Variants in ESR1 observed in about 807,000 individuals in gnomAD.
ESR1 encodes the protein estrogen receptor 1.
Under a neutral mutation model 52.7 loss-of-function variants are expected in ESR1, and 12 were observed. The ratio of observed to expected loss-of-function variants is 0.23; its 90% CI spans 0.15 to 0.37. The LOEUF (loss-of-function observed/expected upper bound fraction) is 0.37. Ranked by LOEUF, ESR1 falls within the 10% of genes least tolerant of loss-of-function variation. The pLI, the probability that ESR1 is intolerant of heterozygous loss-of-function variation, is 1.00. For missense variants in ESR1, 584 were observed against 779.7 expected (o/e 0.75, Z 2.99); for synonymous variants, 305 against 316.8 (o/e 0.96, Z 0.39).
intron 3 of ESR1, among the ~76,000 whole-genome samples, chr6:151,913,484 G>T (rs1798594371): frequency 6.6e-6 from 1 of 152,140 alleles, no homozygotes; most frequent in Admixed American, 6.6e-5. Context: ...ACCCCATTTT[G>T]AATAGTAACA....
chr6:151,800,150 ATT>A (rs1404412723), upstream of ESR1, among the ~76,000 whole-genome samples: 1 of 152,158 alleles, frequency 6.6e-6, no homozygotes, highest in Non-Finnish European at 1.5e-5. Flanking sequence ...GGAGATTTCT[ATT>A]TTGAAATTTT....
chr6:151,937,692 T>G (rs1156775343), intron 3 of ESR1, among the ~76,000 whole-genome samples: 1 of 152,180 alleles, frequency 6.6e-6, no homozygotes, highest in Non-Finnish European at 1.5e-5. Context: ...GAGGCTGTGA[T>G]AACACTAATA....
At position 151,797,391 on chromosome 6, in the gene ESR1, AAGCCAAT is replaced by A. The variant is rs1234758681; in HGVS notation, c.-70-10451_-70-10445del. On this transcript the variant is annotated intron_variant, in intron 2 of 2. Coordinates refer to the ESR1 transcript ENST00000404742. The stretch of plus-strand genomic sequence containing the variant: ...AAAGATCACATTTTGCATGAAAGAA[AAGCCAAT>A]GGAAATGGGACTGTTAGACTTAAAC... Among the ~76,000 whole-genome samples the A allele has an allele frequency of 5.3e-5, 8 of 152,376 alleles. 1 individual carries two copies. The East Asian group carries it at 1.5e-3, about 29-fold the overall frequency.
intron 2 of ESR1, among the ~76,000 whole-genome samples, chr6:151,755,953 C>T (rs1379751852): frequency 6.6e-6 from 1 of 151,978 alleles, no homozygotes; most frequent in Non-Finnish European, 1.5e-5. Context: ...AAAAACTCCC[C>T]ATCTTCTCCA....
intron 2 of ESR1, among the ~76,000 whole-genome samples, chr6:151,862,707 G>A (rs1789106895): frequency 6.6e-6 from 1 of 152,110 alleles, no homozygotes; most frequent in African/African-American, 2.4e-5. Flanking sequence ...CTTTGCTGGG[G>A]TATCTGAAGA....
chr6:151,841,690 T>G (rs1006646280), intron 1 of ESR1, among the ~76,000 whole-genome samples: 12 of 152,146 alleles, frequency 7.9e-5, no homozygotes, highest in African/African-American at 2.2e-4. Flanking sequence ...TCAGTTTCCT[T>G]TCTGTGTTCC....
At chr6:151,718,780 A>G (rs1207101621) in intron 2 of ESR1, among the ~76,000 whole-genome samples, 1 of 152,242 alleles carries the variant, frequency 6.6e-6, no homozygotes, top group African/African-American at 2.4e-5. Context: ...CTCTGCTCAG[A>G]GTCCGGTTGG....
At chr6:152,066,092 G>A (rs2047942422) in intron 6 of ESR1, among the ~76,000 whole-genome samples, 1 of 152,206 alleles carries the variant, frequency 6.6e-6, no homozygotes, top group South Asian at 2.1e-4. Flanking sequence ...CTGCCATATA[G>A]TCATGCTTTG....
chr6:151,740,875 C>T (rs1783047632), intron 2 of ESR1, among the ~76,000 whole-genome samples: 1 of 152,158 alleles, frequency 6.6e-6, no homozygotes, highest in South Asian at 2.1e-4. Context: ...ATGTTCTGTT[C>T]TTCAGATTGG....
At chr6:151,941,867 T>G (rs1387072312) in intron 3 of ESR1, among the ~76,000 whole-genome samples, 1 of 152,222 alleles carries the variant, frequency 6.6e-6, no homozygotes, top group African/African-American at 2.4e-5. Flanking sequence ...AAAGAACAAG[T>G]TGAACCCGTC....
At position 151,696,674 on chromosome 6, in the gene ESR1, C is replaced by T. The variant is rs188664112; in HGVS notation, c.-201-5201C>T. Among the ~76,000 whole-genome samples, 6 of 152,102 alleles carry T rather than the reference C, an allele frequency of 3.9e-5. No individual in the cohort carries two copies. The East Asian group carries it at 1.2e-3, about 29-fold the overall frequency. Reference sequence around the variant, plus strand: ...CTAGACAATCTCTATCAGGTGTGATCAGTAAGGCACATAATATGATATGTG... The same window carrying T: ...CTAGACAATCTCTATCAGGTGTGATTAGTAAGGCACATAATATGATATGTG... On this transcript the variant is annotated intron_variant, in intron 1 of 2. Coordinates refer to the ESR1 transcript ENST00000404742.
chr6:152,102,617 T>A lies in ESR1; in HGVS notation c.*3651T>A, dbSNP rs2050994839. 1 of 220,612 alleles carries A rather than the reference T, an allele frequency of 4.5e-6. No homozygotes were observed. Among genetic ancestry groups the A allele is most frequent in the Non-Finnish European group, 9.1e-6 (1 of 109,978 alleles). 13.7% of individuals were successfully genotyped at this position (220,612 alleles called of 1,614,324 possible). On this transcript the variant is annotated 3_prime_UTR_variant, in exon 8 of 8. Coordinates refer to ENST00000206249, the MANE Select transcript of ESR1 (RefSeq NM_000125.4). ...ATATCCATCTTTTCAGTAGCGTTAA[T>A]TATGCTCTGTTTCCAACTGCATTTC... is the stretch of plus-strand genomic sequence containing the variant.
At position 151,813,103 on chromosome 6, in the gene ESR1, G is replaced by T. The variant is rs548508356; in HGVS notation, c.452+4739G>T. On this transcript the variant is annotated intron_variant, in intron 1 of 7. Coordinates refer to ENST00000206249, the MANE Select transcript of ESR1 (RefSeq NM_000125.4). ...CTTTATAATATCCTTAATCTCATGAGGGAAGAAACCATAATTGCTGAATTC... is the reference window on the plus strand; with the variant it reads ...CTTTATAATATCCTTAATCTCATGATGGAAGAAACCATAATTGCTGAATTC... Among the ~76,000 whole-genome samples, 11 of 152,194 alleles carry T rather than the reference G, an allele frequency of 7.2e-5. No individual in the cohort carries two copies. The East Asian group carries it at 2.1e-3, about 29-fold the overall frequency.
chr6:151,920,365 A>G (rs1416637209), intron 3 of ESR1, among the ~76,000 whole-genome samples: 1 of 152,084 alleles, frequency 6.6e-6, no homozygotes, highest in Non-Finnish European at 1.5e-5. Flanking sequence ...AATTATTGCA[A>G]GGATAGTAAG....
At chr6:151,724,046 G>C (rs1310961987) in intron 2 of ESR1, among the ~76,000 whole-genome samples, 1 of 152,140 alleles carries the variant, frequency 6.6e-6, no homozygotes, top group African/African-American at 2.4e-5. Flanking sequence ...TAGCAGAGCA[G>C]TTCAGGTGGA....
At chr6:151,722,418 A>C (rs113927429) in intron 2 of ESR1, among the ~76,000 whole-genome samples, 1,648 of 152,330 alleles carry the variant, frequency 0.011, 27 homozygotes, top group African/African-American at 0.037. Context: ...GGGAGGGAGC[A>C]GTGACAATCA....
At chr6:151,809,690 A>G (rs926510841) in intron 1 of ESR1, among the ~76,000 whole-genome samples, 18 of 152,218 alleles carry the variant, frequency 1.2e-4, no homozygotes, top group Admixed American at 5.9e-4. Flanking sequence ...GGGGGTATTC[A>G]GTGTGCATCT....
intron 4 of ESR1, 71 bp downstream of exon 4, chr6:151,944,579 A>G: frequency 2.2e-6 from 3 of 1,365,698 alleles, no homozygotes; most frequent in Non-Finnish European, 3.1e-6. Context: ...CATGGGAGAA[A>G]TAGTGGGGGA....
At chr6:152,128,122 G>C (rs1237660937) in exon 7 of ESR1, 2 of 152,182 alleles carry the variant, frequency 1.3e-5, no homozygotes, top group Non-Finnish European at 2.9e-5. Flanking sequence ...TTTCAACTCA[G>C]TTGCAGTAGT....
Sources: allele counts gnomAD v4.1 joint callset (sites outside exome capture counted in the v4.1 genomes callset), GRCh38; gene constraint gnomAD v4.1.1; transcripts MANE v1.5; gene names NCBI Gene and HGNC (gene_info 2026-07-23, HGNC 2026-07-21).